WSCD2: variants seen among roughly 807,000 people sequenced by gnomAD.
WSCD2 encodes WSC domain sialate O sulfotransferase 2, also known as sialate:O-sulfotransferase 2.
WSCD2 carries 28 observed loss-of-function variants against 55.7 expected under a neutral mutation model. The ratio of observed to expected loss-of-function variants is 0.50; its 90% confidence interval spans 0.37 to 0.69. WSCD2 has a LOEUF of 0.69. WSCD2 is among the 30% of genes least tolerant of loss of function. The pLI is 0.00. For synonymous variants in WSCD2, 301 were observed against 301.9 expected, an observed-to-expected ratio of 1.00 and a Z score of 0.03; for missense variants, 616 against 762.1, an observed-to-expected ratio of 0.81 and a Z score of 2.26.
chr12:108,173,618 G>A (rs1880474027), intron 1 of WSCD2, among the ~76,000 whole-genome samples: 1 of 152,084 alleles, frequency 6.6e-6, no homozygotes, highest in Admixed American at 6.5e-5. Context: ...GTAGATGCTG[G>A]GGTAAGGGGA....
chr12:108,224,660 C>A, intron 4 of WSCD2, 79 bp from the exon 5 acceptor site: 1 of 1,539,918 alleles, frequency 6.5e-7, no homozygotes, highest in South Asian at 1.2e-5. Context: ...CTTCTCTGAG[C>A]TTTCTTCAGA....
At chr12:108,191,042 G>A (rs1283350870) in intron 1 of WSCD2, among the ~76,000 whole-genome samples, 1 of 152,140 alleles carries the variant, frequency 6.6e-6, no homozygotes. Context: ...GACAGGAGGG[G>A]ATATTAATAC....
At chr12:108,245,390 A>T (rs767403348) in intron 8 of WSCD2, among the ~76,000 whole-genome samples, 4 of 152,180 alleles carry the variant, frequency 2.6e-5, no homozygotes, top group Non-Finnish European at 4.4e-5. Context: ...CAGGCAACAT[A>T]CATTCCCTTC....
chr12:108,182,391 G>A (rs1881895546), intron 1 of WSCD2, among the ~76,000 whole-genome samples: 1 of 152,268 alleles, frequency 6.6e-6, no homozygotes, highest in Admixed American at 6.5e-5. Flanking sequence ...TGAGATCTTA[G>A]GAGCTTAGAA....
chr12:108,169,312 A>C (rs1879980351), intron 1 of WSCD2, among the ~76,000 whole-genome samples: 1 of 152,216 alleles, frequency 6.6e-6, no homozygotes, highest in African/African-American at 2.4e-5. Flanking sequence ...ATACACATGA[A>C]TCATCCAGAA....
At chr12:108,237,785 T>C (rs575781483) in intron 7 of WSCD2, among the ~76,000 whole-genome samples, 8 of 152,342 alleles carry the variant, frequency 5.3e-5, no homozygotes, top group African/African-American at 1.9e-4. Flanking sequence ...CTTTATAGCT[T>C]TTCTAGGTTT....
chr12:108,239,444 T>C (rs555661935), intron 7 of WSCD2, among the ~76,000 whole-genome samples: 12 of 152,330 alleles, frequency 7.9e-5, no homozygotes, highest in Admixed American at 7.8e-4. Context: ...TCTATGTGTC[T>C]GTCATCATCT....
chr12:108,205,723 C>T (rs1431367124), intron 2 of WSCD2, among the ~76,000 whole-genome samples: 1 of 152,144 alleles, frequency 6.6e-6, no homozygotes, highest in East Asian at 1.9e-4. Context: ...TTACATAAAT[C>T]ATTCTATTTT....
rs778358560 is a variant in WSCD2, at chr12:108,233,360, G to A, written c.1144+465G>A. On this transcript the variant is annotated intron_variant, in intron 7 of 8. Transcript: ENST00000547525. The stretch of plus-strand genomic sequence containing the variant: ...TAAGTCGACAATATTCGCTATGCAG[G>A]GTGCTCTATTTTCATTCCATTCACA... Among the ~76,000 whole-genome samples, 4 of 152,140 alleles carry A rather than the reference G, an allele frequency of 2.6e-5. No homozygotes were observed. In the East Asian group the frequency reaches 7.7e-4, roughly 29 times the overall value.
At chr12:108,191,312 T>G (rs1238385851) in intron 1 of WSCD2, among the ~76,000 whole-genome samples, 1 of 152,224 alleles carries the variant, frequency 6.6e-6, no homozygotes, top group Admixed American at 6.5e-5. Flanking sequence ...TGAGGCAGAA[T>G]TTCTCTCTGG....
At chr12:108,143,485 T>A (rs1293078273) in intron 1 of WSCD2, among the ~76,000 whole-genome samples, 3 of 152,166 alleles carry the variant, frequency 2.0e-5, no homozygotes, top group African/African-American at 7.2e-5. Context: ...AAGAGATAAC[T>A]GGTCAGACTA....
chr12:108,217,757 T>C (rs1380632813), intron 4 of WSCD2, among the ~76,000 whole-genome samples: 1 of 152,098 alleles, frequency 6.6e-6, no homozygotes, highest in Non-Finnish European at 1.5e-5. Context: ...CCAGAACACA[T>C]CTTGCCCAAA....
chr12:108,172,631 C>T (rs564329489), intron 1 of WSCD2, among the ~76,000 whole-genome samples: 1 of 152,142 alleles, frequency 6.6e-6, no homozygotes, highest in Non-Finnish European at 1.5e-5. Context: ...TGGGGTTACA[C>T]CTCTACAAGT....
intron 1 of WSCD2, among the ~76,000 whole-genome samples, chr12:108,174,451 G>A (rs1880574389): frequency 6.6e-6 from 1 of 152,088 alleles, no homozygotes; most frequent in African/African-American, 2.4e-5. Flanking sequence ...TGGGGATTTG[G>A]TGAGGGAATA....
At chr12:108,215,181 T>C (rs1218416405) in intron 4 of WSCD2, among the ~76,000 whole-genome samples, 1 of 152,226 alleles carries the variant, frequency 6.6e-6, no homozygotes, top group African/African-American at 2.4e-5. Flanking sequence ...TTCTGCATCA[T>C]GATGGGAGAG....
At chr12:108,225,060 C>T (rs1377781326) in intron 5 of WSCD2, among the ~76,000 whole-genome samples, 200 bp downstream of exon 5, 2 of 90,110 alleles carry the variant, frequency 2.2e-5, no homozygotes, top group Non-Finnish European at 5.0e-5. Flanking sequence ...GATTTTCCTG[C>T]CTTTAAGGAA....
intron 8 of WSCD2, among the ~76,000 whole-genome samples, chr12:108,244,084 T>C (rs553677029): frequency 1.0e-3 from 158 of 152,310 alleles, no homozygotes; most frequent in Non-Finnish European, 2.0e-3. Context: ...AAACTATTAA[T>C]CAGGCCCCAG....
chr12:108,204,251 A>G (rs866844678), intron 2 of WSCD2, among the ~76,000 whole-genome samples: 2 of 152,142 alleles, frequency 1.3e-5, no homozygotes, highest in Non-Finnish European at 2.9e-5. Context: ...ACACACACAG[A>G]CACACAACCT....
intron 1 of WSCD2, among the ~76,000 whole-genome samples, chr12:108,156,294 C>T (rs1203708291): frequency 6.6e-6 from 1 of 152,220 alleles, no homozygotes; most frequent in Non-Finnish European, 1.5e-5. Flanking sequence ...CATTTAGTAC[C>T]TCTGAGCTGT....
Sources: allele counts gnomAD v4.1 joint callset (sites outside exome capture counted in the v4.1 genomes callset), GRCh38; gene constraint gnomAD v4.1.1; transcripts MANE v1.5; gene names NCBI Gene and HGNC (gene_info 2026-07-23, HGNC 2026-07-21).